The following NAA50 variants were observed in gnomAD, a reference collection of about 807,000 sequenced individuals.
The protein encoded by NAA50 is N-alpha-acetyltransferase 50, NatE catalytic subunit, also known as N-alpha-acetyltransferase 50.
Under a neutral mutation model 20.7 loss-of-function variants are expected in NAA50, and 7 were observed. That is an observed-to-expected ratio of 0.34 (90% CI 0.19 to 0.63). The LOEUF is 0.63. Among genes scored for constraint, NAA50 ranks in the 30% least tolerant of loss-of-function variants. The probability of loss-of-function intolerance (pLI) is 0.75; values close to 1 mark genes in which losing one functional copy is unlikely to be tolerated. For missense variants in NAA50, 111 were observed against 199.1 expected, an observed-to-expected ratio of 0.56 and a Z score of 2.66; for synonymous variants, 54 against 70.6, an observed-to-expected ratio of 0.77 and a Z score of 1.18.
intron 1 of NAA50, among the ~76,000 whole-genome samples, chr3:113,736,064 A>G (rs545400143): frequency 6.6e-6 from 1 of 152,228 alleles, no homozygotes; most frequent in African/African-American, 2.4e-5. Context: ...GATTTTACAT[A>G]AAGTCTCAAA....
rs116603608 is a variant in NAA50 at position 113,736,874 on chromosome 3, G to A, written c.8+9068C>T. The stretch of plus-strand genomic sequence containing the variant: ...TAACAAAAAGTGAAAATGAAGTATA[G>A]AGAAAGCTTAAAGCCTGTTTATACT... On this transcript the variant is annotated intron_variant, in intron 1 of 4. Coordinates refer to ENST00000240922, the MANE Select transcript of NAA50 (RefSeq NM_025146.4). Among the ~76,000 whole-genome samples the A allele has an allele frequency of 7.4e-3, 1,127 of 152,260 alleles. 7 individuals carry two copies. Among genetic ancestry groups the A allele is most frequent in the Non-Finnish European group, 0.011 (757 of 68,018 alleles).
Position 113,720,314 on chromosome 3 carries a change from C to T in NAA50, c.*1446G>A, listed in dbSNP as rs1708118716. The T allele has an allele frequency of 6.6e-6, 1 of 152,348 alleles. No individual in the cohort carries two copies. Among genetic ancestry groups the T allele is most frequent in the Admixed American group, 6.5e-5 (1 of 15,276 alleles). The allele number at this position is 152,348 out of a possible 1,614,324, so 9.4% of individuals were successfully genotyped here. On this transcript the variant is annotated 3_prime_UTR_variant, in exon 5 of 5. Coordinates refer to ENST00000240922, the MANE Select transcript of NAA50 (RefSeq NM_025146.4). ...AGAGGATAAATATGAATGAAACTTC[C>T]TTTTAAAGTCAAATGACAGAAAGCT...
intron 1 of NAA50, among the ~76,000 whole-genome samples, chr3:113,743,571 T>C (rs568998324): frequency 6.6e-6 from 1 of 152,310 alleles, no homozygotes; most frequent in South Asian, 2.1e-4. Context: ...ACTCATTTGT[T>C]GAGTGTCTTA....
intron 1 of NAA50, among the ~76,000 whole-genome samples, chr3:113,734,507 T>C (rs1708314184): frequency 6.6e-6 from 1 of 152,190 alleles, no homozygotes; most frequent in South Asian, 2.1e-4. Context: ...CAAACATTAC[T>C]CATTATATAA....
intron 1 of NAA50, among the ~76,000 whole-genome samples, chr3:113,732,548 G>T (rs1224627304): frequency 6.6e-6 from 1 of 152,142 alleles, no homozygotes; most frequent in Non-Finnish European, 1.5e-5. Flanking sequence ...ATCTTTCCTT[G>T]CCCCTTCCAG....
At chr3:113,742,251 A>T (rs1031482445) in intron 1 of NAA50, among the ~76,000 whole-genome samples, 1 of 152,138 alleles carries the variant, frequency 6.6e-6, no homozygotes, top group Non-Finnish European at 1.5e-5. Flanking sequence ...ATAAACCTTT[A>T]AAAAAAGTTT....
chr3:113,742,022 A>AT (rs895687129), intron 1 of NAA50, among the ~76,000 whole-genome samples: 2 of 152,260 alleles, frequency 1.3e-5, no homozygotes, highest in African/African-American at 2.4e-5. Context: ...CAGTACATTG[A>AT]TTTTTTAAAA....
At position 113,746,218 on chromosome 3, in the gene NAA50, C is replaced by A. The variant is rs894874593; in HGVS notation, c.-269G>T. 2 of 491,848 alleles carry A rather than the reference C, an allele frequency of 4.1e-6. No individual in the cohort carries two copies. Among genetic ancestry groups the A allele is most frequent in the African/African-American group, 2.1e-5 (1 of 48,512 alleles). 30.5% of individuals were successfully genotyped at this position (491,848 alleles called of 1,614,324 possible). A position where few individuals can be genotyped will look rare whatever the true frequency, so the allele number is the denominator to read the frequency against. On this transcript the variant is annotated 5_prime_UTR_variant, in exon 1 of 5. Transcript: ENST00000240922. ...CTCGGCTCCCTCCCGCCGCTGCCGCCAGCCAGACCCGCTGCCGCGCTGTGA... is the reference window on the plus strand; with the variant it reads ...CTCGGCTCCCTCCCGCCGCTGCCGCAAGCCAGACCCGCTGCCGCGCTGTGA...
At position 113,719,054 on chromosome 3, in the gene NAA50, A is replaced by T. The variant is rs1363229955; in HGVS notation, c.*2706T>A. On this transcript the variant is annotated 3_prime_UTR_variant, in exon 5 of 5. Transcript: ENST00000240922. Reference sequence around the variant, plus strand: ...AGCAATGTTAAAATTGACAAGTTTAATTCTTAACTGCACCAAGTAAACTTA... The same window carrying T: ...AGCAATGTTAAAATTGACAAGTTTATTTCTTAACTGCACCAAGTAAACTTA... The T allele has an allele frequency of 6.5e-6, 1 of 152,680 alleles. No homozygotes were observed. The highest frequency in any genetic ancestry group is 2.4e-5 in the African/African-American group (1 of 41,468). 9.5% of individuals were successfully genotyped at this position (152,680 alleles called of 1,614,324 possible).
In NAA50 at chr3:113,717,002, G is replaced by C. The variant is rs1307340815; in HGVS notation, c.*4758C>G. On this transcript the variant is annotated 3_prime_UTR_variant, in exon 5 of 5. Coordinates refer to ENST00000240922, the MANE Select transcript of NAA50 (RefSeq NM_025146.4). ...CTGCTATTTTTTTCTTATTCTAGAA[G>C]CTACTGAGCAAGGAAAATACCTTGA... 1 of 152,060 alleles carries C rather than the reference G, an allele frequency of 6.6e-6. No homozygotes were observed. The highest frequency in any genetic ancestry group is 2.1e-4 in the South Asian group (1 of 4,820). The allele number at this position is 152,060 out of a possible 1,614,324, so 9.4% of individuals were successfully genotyped here. A position where few individuals can be genotyped will look rare whatever the true frequency, so the allele number is the denominator to read the frequency against.
intron 1 of NAA50, among the ~76,000 whole-genome samples, chr3:113,733,644 G>T (rs1192770444): frequency 6.6e-6 from 1 of 151,890 alleles, no homozygotes; most frequent in African/African-American, 2.4e-5. Context: ...CTGAGTTAGG[G>T]AGTTTAAGAC....
In NAA50 at chr3:113,716,598, G is replaced by A; in HGVS notation, c.*5162C>T. ...AGATAAACTAGACAAGTTCAGTATG[G>A]ACAAAGAAACAAAGAAAAGCATTAT... On this transcript the variant is annotated 3_prime_UTR_variant, in exon 5 of 5. Coordinates refer to ENST00000240922, the MANE Select transcript of NAA50 (RefSeq NM_025146.4). 6.6e-6 allele frequency: 1 copy of A among 152,120 alleles called. No individual in the cohort carries two copies. Among genetic ancestry groups the A allele is most frequent in the East Asian group, 1.9e-4 (1 of 5,202 alleles). 9.4% of individuals were successfully genotyped at this position (152,120 alleles called of 1,614,324 possible). A position where few individuals can be genotyped will look rare whatever the true frequency, so the allele number is the denominator to read the frequency against.
intron 1 of NAA50, among the ~76,000 whole-genome samples, chr3:113,740,109 T>C (rs952360103): frequency 6.6e-6 from 1 of 152,216 alleles, no homozygotes; most frequent in Non-Finnish European, 1.5e-5. Context: ...TTAGAAGTTT[T>C]TTTTCATTCA....
chr3:113,740,163 T>C (rs1463920686), intron 1 of NAA50, among the ~76,000 whole-genome samples: 2 of 152,200 alleles, frequency 1.3e-5, no homozygotes, highest in Admixed American at 1.3e-4. Flanking sequence ...CATTTCAACA[T>C]GTAGTCAAAA....
chr3:113,745,824 A>C, intron 1 of NAA50, 118 bp downstream of exon 1: 1 of 1,221,418 alleles, frequency 8.2e-7, no homozygotes, highest in South Asian at 1.5e-5. Flanking sequence ...AAGCAGAGAA[A>C]TCTCCCTCCG....
chr3:113,738,901 C>T (rs1358399256), intron 1 of NAA50, among the ~76,000 whole-genome samples: 2 of 152,090 alleles, frequency 1.3e-5, no homozygotes, highest in Admixed American at 1.3e-4. Flanking sequence ...ATTTTTATTT[C>T]AAATGACCTG....
At position 113,718,171 on chromosome 3, in the gene NAA50, A is replaced by G. The variant is rs1708085199; in HGVS notation, c.*3589T>C. 6.6e-6 allele frequency: 1 copy of G among 152,208 alleles called. No homozygotes were observed. Among genetic ancestry groups the G allele is most frequent in the Admixed American group, 6.5e-5 (1 of 15,274 alleles). The allele number at this position is 152,208 out of a possible 1,614,324, so 9.4% of individuals were successfully genotyped here. A position where few individuals can be genotyped will look rare whatever the true frequency, so the allele number is the denominator to read the frequency against. ...AGGCAACTGGTGCCCAAGGAACTGA[A>G]GCCCAAGAGCCACGTGAGCATCAGG... On this transcript the variant is annotated 3_prime_UTR_variant, in exon 5 of 5. Transcript: ENST00000240922.
chr3:113,721,182 A>AAGAT lies in NAA50; in HGVS notation c.*574_*577dup, dbSNP rs1708130045. ...CTGCCCCACCCACCAGCAAGAAGAG[A>AAGAT]AGATATAATTACTTAAAAATCAACA... On this transcript the variant is annotated 3_prime_UTR_variant, in exon 5 of 5. Transcript: ENST00000240922. 6.5e-6 allele frequency: 1 copy of AAGAT among 153,046 alleles called. No individual in the cohort carries two copies. Among genetic ancestry groups the AAGAT allele is most frequent in the Non-Finnish European group, 1.5e-5 (1 of 68,468 alleles). 9.5% of individuals were successfully genotyped at this position (153,046 alleles called of 1,614,324 possible).
intron 3 of NAA50, 23 bp downstream of exon 3, chr3:113,723,399 G>GT (rs1454467456): frequency 1.3e-5 from 20 of 1,589,848 alleles, no homozygotes; most frequent in Non-Finnish European, 1.6e-5. Context: ...CTCTGAAGAA[G>GT]TAAAAAAACC....
Sources: allele counts gnomAD v4.1 joint callset (sites outside exome capture counted in the v4.1 genomes callset), GRCh38; gene constraint gnomAD v4.1.1; transcripts MANE v1.5; gene names NCBI Gene and HGNC (gene_info 2026-07-23, HGNC 2026-07-21).